The following EYA2 variants were observed in gnomAD, a reference collection of about 807,000 sequenced individuals.
EYA2 encodes protein phosphatase EYA2.
A neutral mutation model predicts 69.2 loss-of-function variants in EYA2; 31 were observed. That is an observed-to-expected ratio of 0.45 (90% confidence interval 0.34 to 0.60). The LOEUF (loss-of-function observed/expected upper bound fraction) is 0.60. Among genes scored for constraint, EYA2 ranks in the 20% least tolerant of loss-of-function variants. The pLI, the probability that EYA2 is intolerant of heterozygous loss-of-function variation, is 0.02. For missense variants in EYA2, 622 were observed against 701.2 expected, an observed-to-expected ratio of 0.89 and a Z score of 1.28; for synonymous variants, 257 against 279.4, an observed-to-expected ratio of 0.92 and a Z score of 0.80.
At chr20:47,114,045 T>C (rs1467839610) in intron 9 of EYA2, among the ~76,000 whole-genome samples, 1 of 152,166 alleles carries the variant, frequency 6.6e-6, no homozygotes, top group Non-Finnish European at 1.5e-5. Context: ...CTTGGACTCA[T>C]GAGTCAGCTC....
chr20:46,895,077 C>T (rs2146203367), intron 1 of EYA2, 90 bp downstream of exon 1: 1 of 152,366 alleles, frequency 6.6e-6, no homozygotes, highest in East Asian at 1.9e-4. Flanking sequence ...TCGCCCTGCG[C>T]CTCTTTCTGG....
chr20:47,082,274 A>T (rs966078720), intron 7 of EYA2, among the ~76,000 whole-genome samples: 1 of 152,168 alleles, frequency 6.6e-6, no homozygotes, highest in Admixed American at 6.5e-5. Flanking sequence ...TTAATTTAAA[A>T]TTTTTTAAAA....
intron 1 of EYA2, among the ~76,000 whole-genome samples, chr20:46,928,277 C>A (rs548199897): frequency 2.0e-5 from 3 of 152,332 alleles, no homozygotes; most frequent in South Asian, 4.1e-4. Context: ...CTGAAACCCT[C>A]AGCAAAGTCT....
At chr20:46,984,296 A>G (rs1219442257) in intron 1 of EYA2, among the ~76,000 whole-genome samples, 1 of 152,166 alleles carries the variant, frequency 6.6e-6, no homozygotes, top group Non-Finnish European at 1.5e-5. Flanking sequence ...AAACAGACAA[A>G]TGAAAGACTA....
chr20:46,918,171 A>G (rs1232990457), intron 1 of EYA2, among the ~76,000 whole-genome samples: 1 of 151,712 alleles, frequency 6.6e-6, no homozygotes, highest in Admixed American at 6.5e-5. Flanking sequence ...AATACAAAAA[A>G]TTAGCCGGGC....
intron 1 of EYA2, among the ~76,000 whole-genome samples, chr20:46,981,236 T>C (rs1282595237): frequency 6.6e-6 from 1 of 152,186 alleles, no homozygotes; most frequent in Admixed American, 6.5e-5. Flanking sequence ...AATTGCCTGG[T>C]GTATAATAGG....
chr20:47,056,374 T>C lies in EYA2; in HGVS notation c.416-15811T>C, dbSNP rs141705981. ...GGTCCTATCCAAATTGTTTTTTTTT[T>C]TTTAACCTTCCCTGGATGTTTTTAT... On this transcript the variant is annotated intron_variant, in intron 5 of 15. Transcript: ENST00000327619. 3.2e-4 allele frequency among the ~76,000 whole-genome samples: 48 copies of C among 152,302 alleles called. No individual in the cohort carries two copies. In the East Asian group the frequency reaches 5.4e-3, roughly 17 times the overall value.
At chr20:47,016,637 T>C (rs920325863) in intron 5 of EYA2, among the ~76,000 whole-genome samples, 19 of 152,164 alleles carry the variant, frequency 1.2e-4, no homozygotes, top group African/African-American at 4.1e-4. Flanking sequence ...GGAAGGCTCT[T>C]TGAAGAGATG....
At chr20:47,070,765 TG>T (rs2031283899) in intron 5 of EYA2, among the ~76,000 whole-genome samples, 1 of 152,222 alleles carries the variant, frequency 6.6e-6, no homozygotes. Context: ...GCCACTGAAC[TG>T]TACACTTTAA....
At chr20:46,907,563 G>A (rs1333368387) in intron 1 of EYA2, among the ~76,000 whole-genome samples, 1 of 152,228 alleles carries the variant, frequency 6.6e-6, no homozygotes, top group Non-Finnish European at 1.5e-5. Flanking sequence ...GTGAGGCCAG[G>A]CGCAGTGGCT....
chr20:46,996,869 G>A lies in EYA2; in HGVS notation c.110-4559G>A, dbSNP rs144883872. Among the ~76,000 whole-genome samples the A allele has an allele frequency of 6.8e-3, 1,036 of 151,952 alleles. 6 individuals carry two copies. Among genetic ancestry groups the A allele is most frequent in the Non-Finnish European group, 8.7e-3 (594 of 67,926 alleles). On this transcript the variant is annotated intron_variant, in intron 2 of 15. Coordinates refer to ENST00000327619, the MANE Select transcript of EYA2 (RefSeq NM_005244.5). The stretch of plus-strand genomic sequence containing the variant: ...ATGGCTGGAGCAGGAGGAAGAGAGG[G>A]GGGTGGCAAGTGCGAAACTCGGTCT...
chr20:46,950,735 G>A (rs75055388), intron 1 of EYA2, among the ~76,000 whole-genome samples: 3,113 of 152,294 alleles, frequency 0.02, 99 homozygotes, highest in African/African-American at 0.069. Context: ...CCAGCGAGCA[G>A]GCACTAGCTT....
intron 9 of EYA2, among the ~76,000 whole-genome samples, chr20:47,107,133 C>T (rs2032604776): frequency 6.6e-6 from 1 of 152,046 alleles, no homozygotes; most frequent in Admixed American, 6.6e-5. Flanking sequence ...CTGTTCTAGG[C>T]CCTGGGGATG....
At position 47,188,130 on chromosome 20, in the gene EYA2, A is replaced by G; in HGVS notation, c.1614A>G (p.Leu538=). The G allele has an allele frequency of 1.3e-6, 2 of 1,577,514 alleles. No individual in the cohort carries two copies. Among genetic ancestry groups the G allele is most frequent in the Non-Finnish European group, 8.6e-7 (1 of 1,161,746 alleles). The change falls in exon 16 of 16, where the codon TTA becomes TTG. Residue 538 remains leucine (L), a synonymous_variant. Coordinates refer to ENST00000327619, the MANE Select transcript of EYA2 (RefSeq NM_005244.5). ...GGCACGCCCTGGAGCTGGAGTATTT[A>G]TAGCAGGATCAGCAGCATCTCCACC... is the stretch of plus-strand genomic sequence containing the variant. ...ALRHALELEY[L] is the part of the protein sequence containing the mutation.
chr20:47,107,656 C>T (rs2032627646), intron 9 of EYA2, among the ~76,000 whole-genome samples: 1 of 150,186 alleles, frequency 6.7e-6, no homozygotes, highest in Non-Finnish European at 1.5e-5. Context: ...GCCTGGACAA[C>T]ATGAGACCCT....
At chr20:47,168,742 C>A (rs752953695) in intron 10 of EYA2, among the ~76,000 whole-genome samples, 1 of 152,140 alleles carries the variant, frequency 6.6e-6, no homozygotes, top group Non-Finnish European at 1.5e-5. Flanking sequence ...ACACCTTTAG[C>A]GAGGCAGAGG....
At chr20:47,077,562 C>G (rs1439322835) in intron 7 of EYA2, among the ~76,000 whole-genome samples, 2 of 151,986 alleles carry the variant, frequency 1.3e-5, no homozygotes, top group South Asian at 4.2e-4. Context: ...TAGGGAAGAC[C>G]CACCTGTTTT....
chr20:47,181,536 A>T (rs1366664786), intron 14 of EYA2, among the ~76,000 whole-genome samples: 1 of 152,152 alleles, frequency 6.6e-6, no homozygotes, highest in Non-Finnish European at 1.5e-5. Flanking sequence ...TAGCTGAGTG[A>T]TTCATACTGT....
At chr20:47,123,719 G>A (rs146642793) in intron 9 of EYA2, among the ~76,000 whole-genome samples, 3,291 of 152,204 alleles carry the variant, frequency 0.022, 105 homozygotes, top group African/African-American at 0.075. Flanking sequence ...GGCTGGGTAC[G>A]GTGGCTCACG....
Sources: allele counts gnomAD v4.1 joint callset (sites outside exome capture counted in the v4.1 genomes callset), GRCh38; gene constraint gnomAD v4.1.1; transcripts MANE v1.5; gene names NCBI Gene and HGNC (gene_info 2026-07-23, HGNC 2026-07-21).